Variants in MAOA observed in about 807,000 individuals in gnomAD.
MAOA encodes monoamine oxidase A.
MAOA carries 6 observed loss-of-function variants against 42.0 expected under a neutral mutation model. The observed-to-expected ratio is 0.14, with a 90% CI of 0.08 to 0.28. The LOEUF is 0.28. Among genes scored for constraint, MAOA ranks in the 10% least tolerant of loss-of-function variants. The probability of loss-of-function intolerance (pLI) is 1.00; values close to 1 mark genes in which losing one functional copy is unlikely to be tolerated. For missense variants in MAOA, 262 were observed against 422.3 expected, an observed-to-expected ratio of 0.62 and a Z score of 3.33; for synonymous variants, 140 against 154.0, an observed-to-expected ratio of 0.91 and a Z score of 0.67.
At chrX:43,675,200 A>G (rs976002589) in intron 1 of MAOA, among the ~76,000 whole-genome samples, 2 of 111,118 alleles carry the variant, frequency 1.8e-5, no homozygotes, top group African/African-American at 6.6e-5. Flanking sequence ...TTCATCTTCC[A>G]TCACTGATAC....
intron 1 of MAOA, among the ~76,000 whole-genome samples, chrX:43,674,852 C>T (rs1338766831): frequency 9.1e-6 from 1 of 109,459 alleles, no homozygotes. Flanking sequence ...GTGGGTAACC[C>T]GACCTTTCTC....
At chrX:43,730,382 C>T (rs949848588) in intron 6 of MAOA, among the ~76,000 whole-genome samples, 1 of 109,692 alleles carries the variant, frequency 9.1e-6, no homozygotes, top group Non-Finnish European at 1.9e-5. Flanking sequence ...AACTATTTAA[C>T]AATATCTAAA....
intron 1 of MAOA, among the ~76,000 whole-genome samples, chrX:43,672,239 CTGTT>C (rs1433735521): frequency 3.6e-5 from 4 of 111,408 alleles, no homozygotes; most frequent in African/African-American, 1.3e-4. Context: ...ATTTGGCTCT[CTGTT>C]TGTCTGTTAT....
intron 1 of MAOA, among the ~76,000 whole-genome samples, chrX:43,664,681 G>A (rs767984174): frequency 1.8e-5 from 2 of 112,039 alleles, no homozygotes; most frequent in African/African-American, 6.5e-5. Flanking sequence ...TTGCTTGTAT[G>A]TATCTGTTCA....
chrX:43,659,098 T>G (rs1203745723), intron 1 of MAOA, among the ~76,000 whole-genome samples: 1 of 111,272 alleles, frequency 9.0e-6, no homozygotes, highest in East Asian at 2.8e-4. Context: ...CCCAGAAGAG[T>G]ACATATTCTA....
At chrX:43,675,234 G>A (rs1403464783) in intron 1 of MAOA, among the ~76,000 whole-genome samples, 5 of 111,315 alleles carry the variant, frequency 4.5e-5, no homozygotes, top group Non-Finnish European at 7.5e-5. Context: ...TGATCGCATC[G>A]GCTCCTGAGG....
At chrX:43,724,611 T>C (rs1297333221) in intron 5 of MAOA, among the ~76,000 whole-genome samples, 1 of 111,536 alleles carries the variant, frequency 9.0e-6, no homozygotes, top group Non-Finnish European at 1.9e-5. Flanking sequence ...TGTTGATCTT[T>C]TCAAAAAACC....
At chrX:43,697,640 T>G (rs1264867285) in intron 3 of MAOA, among the ~76,000 whole-genome samples, 1 of 112,169 alleles carries the variant, frequency 8.9e-6, no homozygotes, top group Non-Finnish European at 1.9e-5. Flanking sequence ...CTCACATACT[T>G]TAACCTTTCA....
At chrX:43,735,250 G>T (rs924094370) in intron 9 of MAOA, among the ~76,000 whole-genome samples, 2 of 111,749 alleles carry the variant, frequency 1.8e-5, no homozygotes, top group African/African-American at 3.2e-5. Context: ...TTTTGGTCTT[G>T]AATAAAAGAA....
chrX:43,732,558 C>A, intron 8 of MAOA, 141 bp from the exon 9 acceptor site: 1 of 422,746 alleles, frequency 2.4e-6, no homozygotes, highest in Admixed American at 3.5e-5. Flanking sequence ...GTGTATTTAA[C>A]AAGACATGTA....
chrX:43,736,431 C>T (rs3027403), intron 10 of MAOA, 151 bp downstream of exon 10: 10,574 of 381,969 alleles, frequency 0.028, 850 homozygotes, highest in African/African-American at 0.24. Flanking sequence ...TTGCTACAGC[C>T]CTCTTGACCT....
chrX:43,725,919 T>C (rs977506494), intron 5 of MAOA, among the ~76,000 whole-genome samples: 5 of 112,091 alleles, frequency 4.5e-5, no homozygotes, highest in Non-Finnish European at 7.5e-5. Context: ...TTATTTCTCC[T>C]TCATTTATGA....
At chrX:43,727,125 G>T (rs910269791) in intron 5 of MAOA, among the ~76,000 whole-genome samples, 13 of 112,048 alleles carry the variant, frequency 1.2e-4, no homozygotes, top group Admixed American at 3.8e-4. Flanking sequence ...CTACTGGGAG[G>T]TGTCTCTCAG....
intron 2 of MAOA, among the ~76,000 whole-genome samples, chrX:43,691,713 A>G (rs1265890501): frequency 8.9e-6 from 1 of 111,835 alleles, no homozygotes; most frequent in Non-Finnish European, 1.9e-5. Flanking sequence ...TTTCTAGAGA[A>G]TAGAAAAAAG....
intron 5 of MAOA, among the ~76,000 whole-genome samples, chrX:43,716,942 G>T (rs1054361799): frequency 7.2e-5 from 8 of 110,883 alleles, no homozygotes; most frequent in Non-Finnish European, 1.5e-4. Context: ...TGACTCAAAG[G>T]GTTGGGGGAA....
At chrX:43,705,729 C>T (rs376038498) in intron 3 of MAOA, among the ~76,000 whole-genome samples, 27 of 111,139 alleles carry the variant, frequency 2.4e-4, no homozygotes, top group African/African-American at 8.5e-4. Context: ...ACTTGTATTC[C>T]GAACATATAA....
At chrX:43,742,771 C>T (rs1292378957) in intron 12 of MAOA, among the ~76,000 whole-genome samples, 1 of 112,058 alleles carries the variant, frequency 8.9e-6, no homozygotes, top group Non-Finnish European at 1.9e-5. Flanking sequence ...ATGGTGTTGC[C>T]TCCATAGATG....
chrX:43,693,821 C>G (rs2033556574), intron 3 of MAOA, among the ~76,000 whole-genome samples: 1 of 110,872 alleles, frequency 9.0e-6, no homozygotes, highest in Non-Finnish European at 1.9e-5. Flanking sequence ...TCCCCTCCCC[C>G]AGCTACAGGC....
At position 43,729,939 on chromosome X, in the gene MAOA, A is replaced by G. The variant is rs1471936461; in HGVS notation, c.646-1302A>G. Among the ~76,000 whole-genome samples, 5 of 111,066 alleles carry G rather than the reference A, an allele frequency of 4.5e-5. No individual in the cohort carries two copies. The East Asian group carries it at 1.4e-3, about 31-fold the overall frequency. ...CTGGGCGCGGTGGCTCACACCTGTA[A>G]TCCCAGCACTTTTGGAGGCCAAGGA... On this transcript the variant is annotated intron_variant, in intron 6 of 14. Coordinates refer to ENST00000338702, the MANE Select transcript of MAOA (RefSeq NM_000240.4).
Sources: gnomAD v4.1 joint callset for allele counts (sites outside exome capture counted in the v4.1 genomes callset) on GRCh38, gnomAD v4.1.1 for gene constraint, MANE v1.5 for transcripts, NCBI Gene and HGNC (gene_info 2026-07-23, HGNC 2026-07-21) for gene names.